ARMH1: variants seen among roughly 807,000 people sequenced by gnomAD.
ARMH1 encodes armadillo-like helical domain containing protein 1.
A neutral mutation model predicts 50.2 loss-of-function variants in ARMH1; 34 were observed. The observed-to-expected ratio is 0.68, with a 90% CI of 0.51 to 0.90. The LOEUF is 0.90. Ranked by LOEUF, ARMH1 falls within the 40% of genes least tolerant of loss-of-function variation. The pLI is 0.00. For synonymous variants in ARMH1, 221 were observed against 224.2 expected, an observed-to-expected ratio of 0.99 and a Z score of 0.13; for missense variants, 538 against 553.9, an observed-to-expected ratio of 0.97 and a Z score of 0.29.
At chr1:44,714,092 C>A (rs1276384125) in intron 6 of ARMH1, among the ~76,000 whole-genome samples, 1 of 151,016 alleles carries the variant, frequency 6.6e-6, no homozygotes, top group Non-Finnish European at 1.5e-5. Context: ...CACGATGAAA[C>A]CCTGTCTCTA....
At chr1:44,721,906 C>G (rs79214855) in intron 6 of ARMH1, 2 of 152,200 alleles carry the variant, frequency 1.3e-5, no homozygotes, top group East Asian at 1.9e-4. Context: ...AGAGATCTGC[C>G]TGTTAGCCTT....
In ARMH1 at chr1:44,683,405, A is replaced by T. The variant is rs1457124103; in HGVS notation, c.-22-6271A>T. 6.6e-6 allele frequency among the ~76,000 whole-genome samples: 1 copy of T among 152,206 alleles called. No homozygotes were observed. Among genetic ancestry groups the T allele is most frequent in the Non-Finnish European group, 1.5e-5 (1 of 68,036 alleles). On this transcript the variant is annotated intron_variant, in intron 1 of 11. Transcript: ENST00000535358. This position sits in a 1 kb window ranked among gnomAD's most constrained non-coding sequence, Gnocchi z 4.2. ...TTGAGAGTCGTGCGCCTATAAATGTAATTTGAAGTGATGGGGTGAATGAGG... is the reference window on the plus strand; with the variant it reads ...TTGAGAGTCGTGCGCCTATAAATGTTATTTGAAGTGATGGGGTGAATGAGG...
chr1:44,679,453 G>A (rs1023418554), intron 1 of ARMH1, among the ~76,000 whole-genome samples: 3 of 152,176 alleles, frequency 2.0e-5, no homozygotes, highest in Non-Finnish European at 2.9e-5. Context: ...CTCTGGTTGT[G>A]AGCACCAAAT....
chr1:44,679,652 C>T (rs146505833), intron 1 of ARMH1, among the ~76,000 whole-genome samples: 29 of 152,334 alleles, frequency 1.9e-4, no homozygotes, highest in Admixed American at 5.9e-4. Context: ...TTGCTGTTTC[C>T]TGTCATAGCT....
At chr1:44,680,692 A>G (rs1428505011) in intron 1 of ARMH1, among the ~76,000 whole-genome samples, 1 of 152,178 alleles carries the variant, frequency 6.6e-6, no homozygotes, top group Non-Finnish European at 1.5e-5. Flanking sequence ...AAGATTGAAG[A>G]CAGGAGTAGA....
At chr1:44,706,307 A>G (rs1573409366) in intron 6 of ARMH1, among the ~76,000 whole-genome samples, 1 of 152,228 alleles carries the variant, frequency 6.6e-6, no homozygotes, top group Non-Finnish European at 1.5e-5. Flanking sequence ...GAGCATGGAC[A>G]GCACAGGGGA....
chr1:44,715,023 G>A (rs1438499362), intron 6 of ARMH1, among the ~76,000 whole-genome samples: 1 of 152,084 alleles, frequency 6.6e-6, no homozygotes, highest in Non-Finnish European at 1.5e-5. Context: ...TGAGATTGCA[G>A]GCATGAGCCA....
In ARMH1 at chr1:44,682,175, G is replaced by A. The variant is rs1645333832; in HGVS notation, c.-23+7302G>A. Among the ~76,000 whole-genome samples, 1 of 152,234 alleles carries A rather than the reference G, an allele frequency of 6.6e-6. No individual in the cohort carries two copies. The highest frequency in any genetic ancestry group is 2.4e-5 in the African/African-American group (1 of 41,458). On this transcript the variant is annotated intron_variant, in intron 1 of 11. Transcript: ENST00000535358. This position sits in a 1 kb window ranked among gnomAD's most constrained non-coding sequence, Gnocchi z 4.5. ...ACATTCTGAGCACAGTGTGTTGGAT[G>A]TCAGTTTAAATAACACTTATTGAGT...
At chr1:44,677,682 T>C (rs528055386) in intron 1 of ARMH1, among the ~76,000 whole-genome samples, 2 of 152,176 alleles carry the variant, frequency 1.3e-5, no homozygotes, top group East Asian at 3.9e-4. Flanking sequence ...ATGTGGCCAC[T>C]GAACTCCCCC....
rs1237480264 is a variant in ARMH1, at chr1:44,724,017, A to C, written c.725-105A>C. ...ACGCCCTGCACAGTGCTGATCAGTA[A>C]AAGAGGAGGACACTGACGAGTGGCG... On this transcript the variant is annotated intron_variant, in intron 6 of 11. Transcript: ENST00000535358. The surrounding 1 kb of genome is among the most constrained non-coding windows in gnomAD (Gnocchi z 6.4). The C allele has an allele frequency of 6.4e-6, 9 of 1,417,212 alleles. No homozygotes were observed. Among genetic ancestry groups the C allele is most frequent in the Non-Finnish European group, 8.5e-6 (9 of 1,055,652 alleles). The allele number at this position is 1,417,212 out of a possible 1,614,324, so 87.8% of individuals were successfully genotyped here.
At chr1:44,675,782 A>T (rs1358578245) in intron 1 of ARMH1, among the ~76,000 whole-genome samples, 2 of 152,104 alleles carry the variant, frequency 1.3e-5, no homozygotes, top group Non-Finnish European at 2.9e-5. Context: ...CAACATGGCG[A>T]AACCCCATCT....
At chr1:44,725,080 T>C in intron 10 of ARMH1, 56 bp from the exon 11 acceptor site, 1 of 1,549,744 alleles carries the variant, frequency 6.5e-7, no homozygotes, top group Non-Finnish European at 8.7e-7. Context: ...CAAGCCCAAC[T>C]CCAAGTCCAG....
intron 6 of ARMH1, among the ~76,000 whole-genome samples, chr1:44,710,019 AGTTGAAAGTATG>A (rs1230001547): frequency 6.6e-6 from 1 of 152,178 alleles, no homozygotes; most frequent in Admixed American, 6.5e-5. Context: ...TTAATAGCGA[AGTTGAAAGTATG>A]GTTCATCAGC....
chr1:44,686,174 C>T (rs1228195990), intron 1 of ARMH1, among the ~76,000 whole-genome samples: 1 of 151,958 alleles, frequency 6.6e-6, no homozygotes, highest in Admixed American at 6.6e-5. Context: ...ACAGAGGTTT[C>T]CAGGGAAAAG....
chr1:44,677,545 G>A (rs1420892713), intron 1 of ARMH1, among the ~76,000 whole-genome samples: 1 of 152,222 alleles, frequency 6.6e-6, no homozygotes, highest in Non-Finnish European at 1.5e-5. Context: ...TGAGATCATT[G>A]AATGAGGGAG....
In ARMH1 at chr1:44,689,365, G is replaced by A. The variant is rs146244071; in HGVS notation, c.-22-311G>A. 5.2e-3 allele frequency: 1,485 copies of A among 286,914 alleles called. 27 individuals carry two copies. The highest frequency in any genetic ancestry group is 0.03 in the African/African-American group (1,348 of 44,956). 17.8% of individuals were successfully genotyped at this position (286,914 alleles called of 1,614,324 possible). A position where few individuals can be genotyped will look rare whatever the true frequency, so the allele number is the denominator to read the frequency against. On this transcript the variant is annotated intron_variant, in intron 1 of 11. Transcript: ENST00000535358. The stretch of plus-strand genomic sequence containing the variant: ...GGCATGAGTCACCACGCCCGGCCTT[G>A]GCAAGCACTTTTATCTCAGCTGGAT...
chr1:44,721,645 C>G (rs1042093582), intron 6 of ARMH1: 6 of 152,060 alleles, frequency 3.9e-5, no homozygotes, highest in African/African-American at 1.2e-4. Flanking sequence ...GGGAGGATTG[C>G]TTGAGCATGG....
rs543643027 is a variant in ARMH1, at chr1:44,717,068, C to T, written c.725-7054C>T. Among the ~76,000 whole-genome samples the T allele has an allele frequency of 2.6e-4, 40 of 152,178 alleles. 1 individual carries two copies. Among genetic ancestry groups the T allele is most frequent in the Admixed American group, 6.5e-4 (10 of 15,290 alleles). On this transcript the variant is annotated intron_variant, in intron 6 of 11. Coordinates refer to ENST00000535358, the MANE Select transcript of ARMH1 (RefSeq NM_001145636.2). ...GTTTCACCATCTTGGCCAGGCTGGT[C>T]GTGAACTCCTGACCTCGTGATCCAA...
At chr1:44,691,417 C>T (rs1377490393) in intron 2 of ARMH1, among the ~76,000 whole-genome samples, 1 of 152,114 alleles carries the variant, frequency 6.6e-6, no homozygotes, top group Non-Finnish European at 1.5e-5. Flanking sequence ...AGTTGCAAAA[C>T]CCAGGGACTG....
Sources: gnomAD v4.1 joint callset for allele counts (sites outside exome capture counted in the v4.1 genomes callset) on GRCh38, gnomAD v4.1.1 for gene constraint, Gnocchi (gnomAD v3.1) non-coding constraint, MANE v1.5 for transcripts, NCBI Gene and HGNC (gene_info 2026-07-23, HGNC 2026-07-21) for gene names.